CPED1: variants seen among roughly 807,000 people sequenced by gnomAD.
CPED1 encodes the protein cadherin-like and PC-esterase domain-containing protein 1.
A neutral mutation model predicts 128.2 loss-of-function variants in CPED1; 114 were observed. The observed-to-expected ratio is 0.89, with a 90% CI of 0.76 to 1.04. The LOEUF is 1.04. Ranked by LOEUF, CPED1 falls within the 50% of genes least tolerant of loss-of-function variation. The probability of loss-of-function intolerance (pLI) is 0.00; values close to 1 mark genes in which losing one functional copy is unlikely to be tolerated. For missense variants in CPED1, 1,211 were observed against 1,207.1 expected (o/e 1.00, Z -0.05); for synonymous variants, 462 against 426.7 (o/e 1.08, Z -1.02).
intron 16 of CPED1, among the ~76,000 whole-genome samples, chr7:121,209,704 TTGAG>T (rs1413806846): frequency 6.6e-6 from 1 of 152,012 alleles, no homozygotes; most frequent in African/African-American, 2.4e-5. Flanking sequence ...CAAAGATTTC[TTGAG>T]TAATTCCCCA....
chr7:121,075,530 C>T (rs1036665287), intron 5 of CPED1, among the ~76,000 whole-genome samples: 5 of 151,950 alleles, frequency 3.3e-5, no homozygotes, highest in African/African-American at 7.3e-5. Flanking sequence ...TGCAGTGGCG[C>T]GATCTTGCTG....
rs150167836 is a variant in CPED1 at position 121,069,079 on chromosome 7, C to A, written c.616+4766C>A. Among the ~76,000 whole-genome samples the A allele has an allele frequency of 4.3e-3, 660 of 152,112 alleles. 4 individuals carry two copies. The highest frequency in any genetic ancestry group is 7.6e-3 in the Non-Finnish European group (517 of 67,942). On this transcript the variant is annotated intron_variant, in intron 5 of 22. Transcript: ENST00000310396. ...AACTTTCCTTTGCTCTGGAGTGAGG[C>A]ACTATCTCTTTTTCAAGGCTTTCCA...
chr7:121,243,345 T>A (rs1343578664), intron 17 of CPED1, among the ~76,000 whole-genome samples: 2 of 152,218 alleles, frequency 1.3e-5, no homozygotes, highest in South Asian at 2.1e-4. Flanking sequence ...AACAAAAAAA[T>A]TATATTTTTC....
At chr7:121,187,609 C>T (rs534918583) in intron 16 of CPED1, among the ~76,000 whole-genome samples, 2 of 152,094 alleles carry the variant, frequency 1.3e-5, no homozygotes, top group Non-Finnish European at 1.5e-5. Flanking sequence ...CTGCATCAAG[C>T]AGTTTAGCCA....
chr7:121,067,339 C>T (rs1793859444), intron 5 of CPED1, among the ~76,000 whole-genome samples: 1 of 151,982 alleles, frequency 6.6e-6, no homozygotes. Flanking sequence ...TGTTCAATTC[C>T]CACCTATGAG....
intron 16 of CPED1, among the ~76,000 whole-genome samples, chr7:121,216,644 G>T (rs1402031767): frequency 2.6e-5 from 4 of 151,966 alleles, no homozygotes; most frequent in African/African-American, 9.7e-5. Flanking sequence ...AGACCACCCA[G>T]TTCAGAGTCT....
intron 22 of CPED1, among the ~76,000 whole-genome samples, chr7:121,276,792 C>T (rs1005537123): frequency 1.3e-5 from 2 of 152,034 alleles, no homozygotes; most frequent in African/African-American, 4.8e-5. Flanking sequence ...CACAGGCAAT[C>T]CTGTATATAG....
At chr7:121,081,347 GAATA>G (rs999554478) in intron 5 of CPED1, among the ~76,000 whole-genome samples, 1 of 152,134 alleles carries the variant, frequency 6.6e-6, no homozygotes, top group Admixed American at 6.5e-5. Flanking sequence ...ATAATTAACT[GAATA>G]AATAGGGTAG....
At chr7:121,228,809 T>A (rs145157628) in intron 16 of CPED1, among the ~76,000 whole-genome samples, 2 of 152,084 alleles carry the variant, frequency 1.3e-5, no homozygotes, top group East Asian at 3.9e-4. Context: ...CCATAAAAAA[T>A]GAAATTACTT....
intron 16 of CPED1, among the ~76,000 whole-genome samples, chr7:121,208,847 G>C (rs974593957): frequency 6.6e-6 from 1 of 151,976 alleles, no homozygotes; most frequent in African/African-American, 2.4e-5. Context: ...TTTCAGAAAA[G>C]GAATCCTGTT....
chr7:121,073,806 C>CTTT (rs1585053819), intron 5 of CPED1, among the ~76,000 whole-genome samples: 1 of 67,320 alleles, frequency 1.5e-5, no homozygotes, highest in African/African-American at 5.1e-5. Context: ...CACCTCTTCC[C>CTTT]ATTTTTTTTT....
intron 7 of CPED1, among the ~76,000 whole-genome samples, chr7:121,111,682 G>C (rs1019772184): frequency 1.3e-5 from 2 of 151,680 alleles, no homozygotes; most frequent in African/African-American, 4.8e-5. Context: ...AATCAGCAAG[G>C]CTTAAGTTGC....
chr7:121,212,916 A>G (rs1183587497), intron 16 of CPED1, among the ~76,000 whole-genome samples: 3 of 151,994 alleles, frequency 2.0e-5, no homozygotes, highest in African/African-American at 4.8e-5. Context: ...CAAAAGTGGA[A>G]ATTATATGAG....
chr7:121,130,249 A>G lies in CPED1; in HGVS notation c.1532A>G (p.Gln511Arg). 6.2e-7 allele frequency: 1 copy of G among 1,609,206 alleles called. No homozygotes were observed. The highest frequency in any genetic ancestry group is 8.5e-7 in the Non-Finnish European group (1 of 1,178,062). Residue 511 changes from glutamine to arginine, a missense_variant, in exon 12 of 23, where the codon CAA (glutamine) becomes CGA (arginine). Transcript: ENST00000310396. The part of the protein sequence containing the change: ...QYWSLLNVFE[Q>R]FQFMNKKTQP... ...TGGTCTCTTTTAAATGTATTTGAAC[A>G]ATTTCAGTTCATGAATAAAAAGACA...
At chr7:121,282,039 C>A (rs536230336) in intron 22 of CPED1, among the ~76,000 whole-genome samples, 1 of 152,168 alleles carries the variant, frequency 6.6e-6, no homozygotes, top group Non-Finnish European at 1.5e-5. Flanking sequence ...ATATTACAAA[C>A]ATTTGCCAAA....
intron 2 of CPED1, among the ~76,000 whole-genome samples, chr7:120,992,307 A>G (rs963709121): frequency 4.6e-5 from 7 of 152,122 alleles, no homozygotes; most frequent in African/African-American, 7.2e-5. Flanking sequence ...TCTTAGTCAA[A>G]TCTTTGCTTT....
At chr7:121,203,527 A>G (rs765675160) in intron 16 of CPED1, among the ~76,000 whole-genome samples, 3 of 151,940 alleles carry the variant, frequency 2.0e-5, no homozygotes, top group Non-Finnish European at 4.4e-5. Context: ...TACCATCTCA[A>G]AGGCCACAGT....
chr7:121,271,499 GTATTGTCAGTCTTATTTTGCA>G, intron 22 of CPED1, 69 bp downstream of exon 22: 1 of 1,427,320 alleles, frequency 7.0e-7, no homozygotes, highest in Non-Finnish European at 9.7e-7. Flanking sequence ...ATCTTTAATT[GTATTGTCAGTCTTATTTTGCA>G]TGAAACAAAA....
intron 22 of CPED1, among the ~76,000 whole-genome samples, chr7:121,276,245 ACT>A (rs1482266487): frequency 6.6e-6 from 1 of 151,932 alleles, no homozygotes; most frequent in Admixed American, 6.6e-5. Context: ...TCCCTAATTT[ACT>A]CTATCACACT....
Sources: allele counts gnomAD v4.1 joint callset (sites outside exome capture counted in the v4.1 genomes callset), GRCh38; gene constraint gnomAD v4.1.1; transcripts MANE v1.5; gene names NCBI Gene and HGNC (gene_info 2026-07-23, HGNC 2026-07-21).